Variants in GABRA4 observed in about 807,000 individuals in gnomAD.
GABRA4 encodes gamma-aminobutyric acid type A receptor subunit alpha4.
In GABRA4, 12 loss-of-function variants were observed where a neutral mutation model predicts 49.7. The ratio of observed to expected loss-of-function variants is 0.24; its 90% CI spans 0.15 to 0.39. The LOEUF is 0.39. Ranked by LOEUF, GABRA4 falls within the 10% of genes least tolerant of loss-of-function variation. The probability of loss-of-function intolerance (pLI) is 1.00; values close to 1 mark genes in which losing one functional copy is unlikely to be tolerated. For missense variants in GABRA4, 506 were observed against 686.0 expected (o/e 0.74, Z 2.93); for synonymous variants, 288 against 240.2 (o/e 1.20, Z -1.84).
chr4:46,979,104 G>T lies in GABRA4; in HGVS notation c.206-6C>A. 6.3e-7 allele frequency: 1 copy of T among 1,584,422 alleles called. No homozygotes were observed. The highest frequency in any genetic ancestry group is 8.7e-7 in the Non-Finnish European group (1 of 1,154,658). On this transcript the variant is annotated splice_region_variant and splice_polypyrimidine_tract_variant and intron_variant, in intron 2 of 8. Coordinates refer to ENST00000264318, the MANE Select transcript of GABRA4 (RefSeq NM_000809.4). ...TTTCACTTCTGTAACAGGACCTAAC[G>T]GGTATGAAGTAAATAAGTGTGAAAA... is the stretch of plus-strand genomic sequence containing the variant.
chr4:46,980,807 A>C (rs1452316728), intron 2 of GABRA4, among the ~76,000 whole-genome samples: 1 of 152,080 alleles, frequency 6.6e-6, no homozygotes, highest in Non-Finnish European at 1.5e-5. Context: ...AATTTCACTC[A>C]AGTAGGTTCA....
At chr4:46,979,926 T>C (rs982839707) in intron 2 of GABRA4, among the ~76,000 whole-genome samples, 8 of 152,084 alleles carry the variant, frequency 5.3e-5, no homozygotes, top group African/African-American at 9.7e-5. Flanking sequence ...TGTGGGAGCA[T>C]AATGACAATA....
chr4:46,940,505 T>C (rs918863658), intron 8 of GABRA4, among the ~76,000 whole-genome samples: 1 of 152,270 alleles, frequency 6.6e-6, no homozygotes, highest in East Asian at 1.9e-4. Flanking sequence ...TTAAGTCACC[T>C]ATTGTGTCAG....
In GABRA4 at chr4:46,924,415, C is replaced by A. The variant is rs1422831110; in HGVS notation, c.*3810G>T. ...ATTCTACTGAAGCATTAGTTACATCCCATAATTTTTTGTCTATGCATCTAT... is the reference window on the plus strand; with the variant it reads ...ATTCTACTGAAGCATTAGTTACATCACATAATTTTTTGTCTATGCATCTAT... On this transcript the variant is annotated 3_prime_UTR_variant, in exon 9 of 9. Transcript: ENST00000264318. 1 of 151,920 alleles carries A rather than the reference C, an allele frequency of 6.6e-6. No individual in the cohort carries two copies. The highest frequency in any genetic ancestry group is 2.4e-5 in the African/African-American group (1 of 41,374). The allele number at this position is 151,920 out of a possible 1,614,324, so 9.4% of individuals were successfully genotyped here.
chr4:46,990,786 T>A (rs1020368893), intron 2 of GABRA4, among the ~76,000 whole-genome samples: 3 of 152,214 alleles, frequency 2.0e-5, no homozygotes, highest in South Asian at 2.1e-4. Flanking sequence ...CTTTTCAGAT[T>A]TGCATGAAGG....
At chr4:46,983,141 AC>A (rs1723416487) in intron 2 of GABRA4, among the ~76,000 whole-genome samples, 1 of 152,100 alleles carries the variant, frequency 6.6e-6, no homozygotes, top group East Asian at 1.9e-4. Context: ...CAGAATTCTA[AC>A]CCCCTTGTAT....
At chr4:46,992,778 C>T in intron 2 of GABRA4, 50 bp downstream of exon 2, 1 of 1,304,202 alleles carries the variant, frequency 7.7e-7, no homozygotes, top group Non-Finnish European at 1.1e-6. Context: ...GACAGGAAGA[C>T]CAAGAGAGGG....
chr4:46,973,145 T>A (rs375802205), intron 6 of GABRA4, among the ~76,000 whole-genome samples: 1 of 151,740 alleles, frequency 6.6e-6, no homozygotes, highest in African/African-American at 2.4e-5. Context: ...TACATGGAAA[T>A]AATTTAGAAG....
chr4:46,946,835 A>G (rs1171133666), intron 8 of GABRA4, among the ~76,000 whole-genome samples: 1 of 152,116 alleles, frequency 6.6e-6, no homozygotes, highest in Non-Finnish European at 1.5e-5. Context: ...TTGAACACAA[A>G]GCAATAATAA....
chr4:46,930,507 T>A (rs545745061), intron 8 of GABRA4, among the ~76,000 whole-genome samples: 1 of 151,650 alleles, frequency 6.6e-6, no homozygotes, highest in South Asian at 2.1e-4. Context: ...CATACACACA[T>A]GATACAATAA....
intron 8 of GABRA4, among the ~76,000 whole-genome samples, chr4:46,956,619 A>T (rs1326579313): frequency 6.6e-6 from 1 of 151,980 alleles, no homozygotes; most frequent in African/African-American, 2.4e-5. Flanking sequence ...CCAACTGCTG[A>T]AAATGTGACT....
intron 8 of GABRA4, among the ~76,000 whole-genome samples, chr4:46,950,713 A>C: frequency 6.7e-6 from 1 of 148,996 alleles, no homozygotes; most frequent in African/African-American, 2.5e-5. Flanking sequence ...GATATTCTCT[A>C]AGAAAATAAA....
At chr4:46,935,733 G>A (rs1318331565) in intron 8 of GABRA4, among the ~76,000 whole-genome samples, 1 of 151,930 alleles carries the variant, frequency 6.6e-6, no homozygotes, top group African/African-American at 2.4e-5. Context: ...CGGGTTGATG[G>A]GTGCAGCACG....
In GABRA4 at chr4:46,941,264, T is replaced by C. The variant is rs566533846; in HGVS notation, c.1135-12509A>G. ...TCATTATCATTCATTATCATTCTTA[T>C]GTTAGTACTTAAAAAAACAAAGTCA... On this transcript the variant is annotated intron_variant, in intron 8 of 8. Transcript: ENST00000264318. 7.9e-5 allele frequency among the ~76,000 whole-genome samples: 12 copies of C among 152,198 alleles called. No homozygotes were observed. In the South Asian group the frequency reaches 1.2e-3, roughly 16 times the overall value.
intron 8 of GABRA4, among the ~76,000 whole-genome samples, chr4:46,959,186 T>A (rs2109366761): frequency 6.6e-6 from 1 of 152,012 alleles, no homozygotes; most frequent in African/African-American, 2.4e-5. Flanking sequence ...ATCTTTAAAG[T>A]TGTACTTGAT....
At chr4:46,959,868 G>T (rs137957878) in intron 8 of GABRA4, among the ~76,000 whole-genome samples, 3 of 150,000 alleles carry the variant, frequency 2.0e-5, no homozygotes, top group African/African-American at 7.3e-5. Context: ...GTGTGTGAGT[G>T]TGTCTCCAAA....
At chr4:46,945,382 A>G in intron 8 of GABRA4, among the ~76,000 whole-genome samples, 1 of 152,122 alleles carries the variant, frequency 6.6e-6, no homozygotes, top group East Asian at 1.9e-4. Context: ...AGGCCCATGG[A>G]CACCAACCTG....
At chr4:46,942,001 T>G (rs998780562) in intron 8 of GABRA4, among the ~76,000 whole-genome samples, 1 of 152,168 alleles carries the variant, frequency 6.6e-6, no homozygotes, top group African/African-American at 2.4e-5. Flanking sequence ...TATTTTGGGT[T>G]ATAAATAAGC....
chr4:46,978,687 C>CAAAAAAAA (rs71193889), intron 3 of GABRA4, among the ~76,000 whole-genome samples: 134 of 21,422 alleles, frequency 6.3e-3, no homozygotes, highest in Non-Finnish European at 7.5e-3. Flanking sequence ...AACTTCATCT[C>CAAAAAAAA]AAAAAAAAAA....
Sources: allele counts gnomAD v4.1 joint callset (sites outside exome capture counted in the v4.1 genomes callset), GRCh38; gene constraint gnomAD v4.1.1; transcripts MANE v1.5; gene names NCBI Gene and HGNC (gene_info 2026-07-23, HGNC 2026-07-21).